Variants in REXO5 observed in about 807,000 individuals in gnomAD.
The protein encoded by REXO5 is RNA exonuclease 5.
REXO5 carries 48 observed loss-of-function variants against 88.5 expected under a neutral mutation model. That is an observed-to-expected ratio of 0.54 (90% CI 0.43 to 0.69). The LOEUF is 0.69. Among genes scored for constraint, REXO5 ranks in the 30% least tolerant of loss-of-function variants. The probability of loss-of-function intolerance (pLI) is 0.00; values close to 1 mark genes in which losing one functional copy is unlikely to be tolerated. For missense variants in REXO5, 749 were observed against 912.2 expected, an observed-to-expected ratio of 0.82 and a Z score of 2.30; for synonymous variants, 311 against 336.5, an observed-to-expected ratio of 0.92 and a Z score of 0.83.
chr16:20,810,783 C>T (rs1362864261), intron 2 of REXO5, among the ~76,000 whole-genome samples: 11 of 152,246 alleles, frequency 7.2e-5, no homozygotes, highest in South Asian at 2.1e-4. Flanking sequence ...TTATTGCTGC[C>T]GCTGACCCAC....
At chr16:20,814,415 T>A (rs545531052) in intron 3 of REXO5, among the ~76,000 whole-genome samples, 2 of 152,064 alleles carry the variant, frequency 1.3e-5, no homozygotes, top group Admixed American at 6.5e-5. Flanking sequence ...TTTTTTGTAT[T>A]TTTTTTAGTA....
At position 20,808,434 on chromosome 16, in the gene REXO5, G is replaced by A. The variant is rs1339874384; in HGVS notation, c.138+1343G>A. Among the ~76,000 whole-genome samples, 9 of 152,290 alleles carry A rather than the reference G, an allele frequency of 5.9e-5. No individual in the cohort carries two copies. In the East Asian group the frequency reaches 1.5e-3, roughly 26 times the overall value. ...CTGTCTCTGCCTCTTACAGGCATGA[G>A]CCACTGCACCCAGCTATTCATTGGT... On this transcript the variant is annotated intron_variant, in intron 2 of 19. Coordinates refer to ENST00000261377, the MANE Select transcript of REXO5 (RefSeq NM_030941.3).
In REXO5 at chr16:20,806,828, T is replaced by C; in HGVS notation, c.-3+123T>C. On this transcript the variant is annotated intron_variant, in intron 1 of 19. Coordinates refer to ENST00000261377, the MANE Select transcript of REXO5 (RefSeq NM_030941.3). The stretch of plus-strand genomic sequence containing the variant: ...AACGGGGATAGTTCGGTAAACTGAA[T>C]TGAGAAGCGGATCCGAGGGAGGTTG... 13 of 1,387,502 alleles carry C rather than the reference T, an allele frequency of 9.4e-6. No individual in the cohort carries two copies. In the South Asian group the frequency reaches 1.9e-4, roughly 21 times the overall value. The allele number at this position is 1,387,502 out of a possible 1,614,324, so 85.9% of individuals were successfully genotyped here.
At chr16:20,832,349 T>G (rs559460421) in intron 12 of REXO5, 90 bp downstream of exon 12, 1 of 822,720 alleles carries the variant, frequency 1.2e-6, no homozygotes, top group South Asian at 1.9e-5. Flanking sequence ...TATCCTCTTT[T>G]GAGTCTATTA....
chr16:20,816,007 T>G (rs2081075456), intron 4 of REXO5, 109 bp from the exon 5 acceptor site: 1 of 811,262 alleles, frequency 1.2e-6, no homozygotes, highest in African/African-American at 1.7e-5. Context: ...ATGCTAACAA[T>G]TACTGTCTAG....
chr16:20,820,162 T>A (rs1194559830), intron 5 of REXO5, among the ~76,000 whole-genome samples: 1 of 152,134 alleles, frequency 6.6e-6, no homozygotes, highest in Non-Finnish European at 1.5e-5. Context: ...ACGTATTGAA[T>A]GGTGGACGAA....
intron 6 of REXO5, among the ~76,000 whole-genome samples, chr16:20,824,158 A>T (rs1400499010): frequency 6.6e-6 from 1 of 152,170 alleles, no homozygotes; most frequent in Admixed American, 6.5e-5. Flanking sequence ...CTCTTTTCTC[A>T]TGAGGAGGAA....
In REXO5 at chr16:20,815,036, C is replaced by T. The variant is rs746622733; in HGVS notation, c.361C>T (p.Arg121Ter). Reference protein sequence around the residue: ...YRFYLEFGCLRKAFRHKFRLP... With the variant: ...YRFYLEFGCL ...GTTCTATTTGGAGTTTGGATGTCTTCGAAAAGCATTCAGACATGTAAGTTA... is the reference window on the plus strand; with the variant it reads ...GTTCTATTTGGAGTTTGGATGTCTTTGAAAAGCATTCAGACATGTAAGTTA... The change falls in exon 4 of 20, where the codon CGA (arginine) becomes TGA (stop). Residue 121 changes from arginine (R) to a stop codon, truncating the protein, a stop_gained. Coordinates refer to ENST00000261377, the MANE Select transcript of REXO5 (RefSeq NM_030941.3). LOFTEE classifies it high-confidence loss of function. 8 of 1,612,308 alleles carry T rather than the reference C, an allele frequency of 5.0e-6. No homozygotes were observed. The highest frequency in any genetic ancestry group is 4.0e-5 in the African/African-American group (3 of 74,840).
At chr16:20,834,313 G>A (rs2152508591) in intron 13 of REXO5, among the ~76,000 whole-genome samples, 1 of 152,230 alleles carries the variant, frequency 6.6e-6, no homozygotes, top group Non-Finnish European at 1.5e-5. Flanking sequence ...AAATATGTGG[G>A]GAGATATTTT....
At chr16:20,818,447 T>C (rs938403266) in intron 5 of REXO5, among the ~76,000 whole-genome samples, 21 of 152,182 alleles carry the variant, frequency 1.4e-4, no homozygotes, top group African/African-American at 4.3e-4. Flanking sequence ...TCTCCATAGC[T>C]TCCACTATCT....
intron 5 of REXO5, 39 bp downstream of exon 5, chr16:20,816,251 A>G (rs761550380): frequency 3.4e-6 from 5 of 1,482,740 alleles, no homozygotes; most frequent in Admixed American, 3.5e-5. Context: ...TGCTCACTCT[A>G]AAAGATACGG....
At position 20,849,400 on chromosome 16, in the gene REXO5, A is replaced by T. The variant is rs751534214; in HGVS notation, c.2245A>T (p.Thr749Ser). 1.4e-5 allele frequency: 22 copies of T among 1,613,062 alleles called. No homozygotes were observed. Among genetic ancestry groups the T allele is most frequent in the Non-Finnish European group, 1.8e-5 (21 of 1,179,236 alleles). ...CLILLPGTKS[T>S]HGSLSGLGLM... ...ACCTTTGTTTCTTATTTATTGCAGC[A>T]CTCATGGTTCACTCTCTGGTCTAGG... The change falls in exon 20 of 20, where the codon ACT becomes TCT. Residue 749 changes from threonine (T) to serine (S), a missense_variant and splice_region_variant. By Grantham distance (58) the Thr-to-Ser change is moderately conservative. Coordinates refer to ENST00000261377, the MANE Select transcript of REXO5 (RefSeq NM_030941.3).
intron 13 of REXO5, among the ~76,000 whole-genome samples, chr16:20,838,423 T>TTATTGTTGTTGG (rs943540579): frequency 5.9e-5 from 9 of 152,226 alleles, no homozygotes; most frequent in Non-Finnish European, 1.0e-4. Context: ...GCCTTGTGAC[T>TTATTGTTGTTGG]TATTGTTGTT....
At chr16:20,835,838 A>G (rs539718070) in intron 13 of REXO5, among the ~76,000 whole-genome samples, 4 of 152,254 alleles carry the variant, frequency 2.6e-5, no homozygotes, top group African/African-American at 9.6e-5. Flanking sequence ...TCTTGAGTCC[A>G]GGAGTTTGAG....
rs1299439280 is a variant in REXO5, at chr16:20,844,010, A to C, written c.1703A>C (p.Asp568Ala). 1 of 1,596,214 alleles carries C rather than the reference A, an allele frequency of 6.3e-7. No individual in the cohort carries two copies. The highest frequency in any genetic ancestry group is 8.6e-7 in the Non-Finnish European group (1 of 1,163,646). The change falls in exon 16 of 20, where the codon GAT becomes GCT. Residue 568 changes from aspartate (D) to alanine (A), a missense_variant. Transcript: ENST00000261377. ...AIESLDGILV[D>A]GICIKVQRPV... ...GAATCCTTGGATGGTATTCTGGTAG[A>C]TGGTATCTGCATCAAGGTAGGGTGA...
rs750725877 is a variant in REXO5, at chr16:20,832,253, A to C, written c.1256A>C (p.Asn419Thr). 1.0e-5 allele frequency: 16 copies of C among 1,601,132 alleles called. No individual in the cohort carries two copies. The highest frequency in any genetic ancestry group is 1.3e-5 in the Non-Finnish European group (15 of 1,171,300). Residue 419 changes from asparagine to threonine, a missense_variant, in exon 12 of 20, where the codon AAC (asparagine) becomes ACC (threonine). Transcript: ENST00000261377. ...KNTAEVLQHP[N>T]TSVLECLDSV... ...ACAGCAGAAGTACTTCAGCACCCAA[A>C]CACAAGGTAATATTTTCAGTTTGAA...
Position 20,828,456 on chromosome 16 carries a change from C to T in REXO5, c.1077C>T (p.Asp359=). ...VILGKDIQCP[D]RLGHDATEDA... is the part of the protein sequence containing the mutation. Reference sequence around the variant, plus strand: ...CCAGGAAGGATATACAGTGTCCAGACAGACTTGGTCATGATGCCACAGAAG... The same window carrying T: ...CCAGGAAGGATATACAGTGTCCAGATAGACTTGGTCATGATGCCACAGAAG... The change falls in exon 11 of 20, where the codon GAC becomes GAT. Residue 359 remains aspartate, a synonymous_variant. Coordinates refer to ENST00000261377, the MANE Select transcript of REXO5 (RefSeq NM_030941.3). 9.9e-6 allele frequency: 16 copies of T among 1,613,320 alleles called. No individual in the cohort carries two copies. The highest frequency in any genetic ancestry group is 1.3e-5 in the Non-Finnish European group (15 of 1,179,350).
intron 2 of REXO5, among the ~76,000 whole-genome samples, chr16:20,807,824 C>A (rs1352400237): frequency 6.6e-6 from 1 of 151,736 alleles, no homozygotes; most frequent in East Asian, 1.9e-4. Flanking sequence ...CACAAAAATA[C>A]AATTCCTTGC....
chr16:20,837,716 G>A (rs1053921074), intron 13 of REXO5, among the ~76,000 whole-genome samples: 1 of 151,570 alleles, frequency 6.6e-6, no homozygotes, highest in African/African-American at 2.4e-5. Flanking sequence ...TTTTTTTTAG[G>A]GGGAATAATT....
Sources: gnomAD v4.1 joint callset for allele counts (sites outside exome capture counted in the v4.1 genomes callset) on GRCh38, gnomAD v4.1.1 for gene constraint, MANE v1.5 for transcripts, NCBI Gene and HGNC (gene_info 2026-07-23, HGNC 2026-07-21) for gene names.